The following PRMT8 variants were observed in gnomAD, a reference collection of about 807,000 sequenced individuals.
The protein encoded by PRMT8 is protein arginine N-methyltransferase 8.
A neutral mutation model predicts 47.1 loss-of-function variants in PRMT8; 7 were observed. That is an observed-to-expected ratio of 0.15 (90% CI 0.08 to 0.28). PRMT8 has a LOEUF of 0.28. Among genes scored for constraint, PRMT8 ranks in the 10% least tolerant of loss-of-function variants. The pLI is 1.00. For missense variants in PRMT8, 237 were observed against 505.4 expected (o/e 0.47, Z 5.09); for synonymous variants, 188 against 186.5 (o/e 1.01, Z -0.07).
intron 1 of PRMT8, among the ~76,000 whole-genome samples, chr12:3,384,332 A>G (rs1190156729): frequency 2.6e-5 from 4 of 151,720 alleles, no homozygotes; most frequent in African/African-American, 4.9e-5. Flanking sequence ...TTCTGCTTCA[A>G]TTGCTATGAT....
intron 1 of PRMT8, among the ~76,000 whole-genome samples, chr12:3,523,153 TA>T (rs1865905788): frequency 6.6e-6 from 1 of 152,194 alleles, no homozygotes; most frequent in Non-Finnish European, 1.5e-5. Context: ...ATCTATGTCC[TA>T]AAACAGGTTG....
intron 4 of PRMT8, among the ~76,000 whole-genome samples, chr12:3,568,022 A>G (rs886633390): frequency 5.3e-5 from 8 of 151,710 alleles, no homozygotes; most frequent in Admixed American, 6.6e-5. Context: ...TGGTGAGCAG[A>G]GATCACGCCA....
intron 1 of PRMT8, among the ~76,000 whole-genome samples, chr12:3,431,051 G>A (rs1268567279): frequency 6.6e-6 from 1 of 152,194 alleles, no homozygotes; most frequent in Non-Finnish European, 1.5e-5. Context: ...GACATTTGAG[G>A]CTTTAGAGAC....
intron 1 of PRMT8, among the ~76,000 whole-genome samples, chr12:3,383,427 A>C (rs960730880): frequency 3.3e-5 from 5 of 152,224 alleles, no homozygotes; most frequent in Non-Finnish European, 5.9e-5. Flanking sequence ...AAAGTCTGCT[A>C]TGCGCTGAAT....
In PRMT8 at chr12:3,576,800, A is replaced by T; in HGVS notation, c.713-71A>T. On this transcript the variant is annotated intron_variant, in intron 6 of 9. Transcript: ENST00000382622. The surrounding 1 kb of genome is among the most constrained non-coding windows in gnomAD (Gnocchi z 4.0). ...TCAGCCCTCAGGCACGCTGTGCTCT[A>T]GGACTCAGGAGGGTTGGGTGAGCTT... is the stretch of plus-strand genomic sequence containing the variant. The T allele has an allele frequency of 8.3e-7, 1 of 1,206,624 alleles. No homozygotes were observed. The highest frequency in any genetic ancestry group is 1.2e-6 in the Non-Finnish European group (1 of 818,378). The allele number at this position is 1,206,624 out of a possible 1,614,324, so 74.7% of individuals were successfully genotyped here.
chr12:3,533,226 C>T (rs1446111247), intron 1 of PRMT8, among the ~76,000 whole-genome samples: 1 of 152,094 alleles, frequency 6.6e-6, no homozygotes, highest in East Asian at 1.9e-4. Context: ...TCTGTGCCTA[C>T]GAAGCCAAGT....
At chr12:3,467,648 C>T (rs569831910) in intron 1 of PRMT8, among the ~76,000 whole-genome samples, 7 of 152,202 alleles carry the variant, frequency 4.6e-5, no homozygotes, top group African/African-American at 1.7e-4. Flanking sequence ...AGGCCCCTGT[C>T]GACTGTGGAC....
intron 1 of PRMT8, among the ~76,000 whole-genome samples, chr12:3,458,193 T>C (rs2137085914): frequency 6.6e-6 from 1 of 152,322 alleles, no homozygotes; most frequent in Middle Eastern, 3.4e-3. Flanking sequence ...ATCCTCCAAC[T>C]TACTGGGGCG....
intron 1 of PRMT8, among the ~76,000 whole-genome samples, chr12:3,499,373 G>C (rs1443010229): frequency 2.3e-5 from 2 of 88,408 alleles, no homozygotes; most frequent in Admixed American, 1.2e-4. Flanking sequence ...ACAGTCCCCA[G>C]AGTGTGATAT....
Position 3,493,075 on chromosome 12 carries a change from C to T in PRMT8, c.75+1375C>T, listed in dbSNP as rs1210272948. On this transcript the variant is annotated intron_variant, in intron 1 of 9. Coordinates refer to ENST00000382622, the MANE Select transcript of PRMT8 (RefSeq NM_019854.5). This position sits in a 1 kb window ranked among gnomAD's most constrained non-coding sequence, Gnocchi z 8.2. ...TTATAAATCCCCCTTCTCTGAGAGA[C>T]TAGAAGCAGCATGCATCTGACAATT... Among the ~76,000 whole-genome samples, 1 of 152,180 alleles carries T rather than the reference C, an allele frequency of 6.6e-6. No homozygotes were observed. Among genetic ancestry groups the T allele is most frequent in the East Asian group, 1.9e-4 (1 of 5,186 alleles).
intron 1 of PRMT8, among the ~76,000 whole-genome samples, chr12:3,426,900 C>G (rs1023514635): frequency 1.6e-4 from 25 of 151,816 alleles, no homozygotes; most frequent in African/African-American, 5.8e-4. Flanking sequence ...CAGGCTGGCT[C>G]GAGTTTTCCT....
chr12:3,582,457 G>T (rs956956674), intron 7 of PRMT8, among the ~76,000 whole-genome samples: 4 of 152,336 alleles, frequency 2.6e-5, no homozygotes, highest in African/African-American at 9.6e-5. Flanking sequence ...CTGTGACTTT[G>T]TGGGCTCAGG....
At chr12:3,495,290 G>A (rs1225736013) in intron 1 of PRMT8, among the ~76,000 whole-genome samples, 2 of 152,182 alleles carry the variant, frequency 1.3e-5, no homozygotes. Context: ...TTAGGATGCT[G>A]TCCTATTGCC....
rs543039214 is a variant in PRMT8 at position 3,386,165 on chromosome 12, G to A, written c.48+4723G>A. Reference sequence around the variant, plus strand: ...GCTATGGGACCCTCTTGTCCATGGCGATATCTTACTGTCTTTGTGTCTTTG... The same window carrying A: ...GCTATGGGACCCTCTTGTCCATGGCAATATCTTACTGTCTTTGTGTCTTTG... On this transcript the variant is annotated intron_variant, in intron 1 of 9. Coordinates refer to the PRMT8 transcript ENST00000452611. 3.3e-5 allele frequency among the ~76,000 whole-genome samples: 5 copies of A among 152,264 alleles called. No individual in the cohort carries two copies. The South Asian group carries it at 1.0e-3, about 32-fold the overall frequency.
intron 1 of PRMT8, among the ~76,000 whole-genome samples, chr12:3,413,424 T>C (rs182711579): frequency 6.6e-6 from 1 of 152,320 alleles, no homozygotes; most frequent in East Asian, 1.9e-4. Context: ...TTATTAGCAG[T>C]GTGAGAACAA....
At chr12:3,391,308 G>T (rs563165777) in intron 1 of PRMT8, among the ~76,000 whole-genome samples, 1 of 152,214 alleles carries the variant, frequency 6.6e-6, no homozygotes, top group East Asian at 1.9e-4. Flanking sequence ...TACATGCTTA[G>T]GAAGGTAGAT....
upstream of PRMT8, among the ~76,000 whole-genome samples, chr12:3,487,015 C>A (rs1336442427): frequency 6.6e-6 from 1 of 152,206 alleles, no homozygotes; most frequent in Non-Finnish European, 1.5e-5. Flanking sequence ...AATAGGACCA[C>A]AGAGGCTTTT....
At chr12:3,440,627 T>G (rs559784687) in intron 1 of PRMT8, among the ~76,000 whole-genome samples, 2 of 152,140 alleles carry the variant, frequency 1.3e-5, no homozygotes, top group African/African-American at 4.8e-5. Flanking sequence ...GCCTCCTGAC[T>G]AGTTTGTTAG....
At position 3,453,925 on chromosome 12, in the gene PRMT8, C is replaced by A. The variant is rs1285897624; in HGVS notation, c.48+72483C>A. ...CGTTCAACACGGGGTGCCTCGTGTG[C>A]TCCTCATGGCACATTTACCATGGGC... On this transcript the variant is annotated intron_variant, in intron 1 of 9. Coordinates refer to the PRMT8 transcript ENST00000452611. This position sits in a 1 kb window ranked among gnomAD's most constrained non-coding sequence, Gnocchi z 4.9. Among the ~76,000 whole-genome samples, 1 of 152,214 alleles carries A rather than the reference C, an allele frequency of 6.6e-6. No homozygotes were observed. Among genetic ancestry groups the A allele is most frequent in the Non-Finnish European group, 1.5e-5 (1 of 68,034 alleles).
Sources: allele counts gnomAD v4.1 joint callset (sites outside exome capture counted in the v4.1 genomes callset), GRCh38; gene constraint gnomAD v4.1.1; non-coding constraint Gnocchi (gnomAD v3.1); transcripts MANE v1.5; gene names NCBI Gene and HGNC (gene_info 2026-07-23, HGNC 2026-07-21).